Variants in KIF1B observed in about 807,000 individuals in gnomAD.
KIF1B encodes the protein kinesin-like protein KIF1B.
Under a neutral mutation model 241.9 loss-of-function variants are expected in KIF1B, and 76 were observed. That is an observed-to-expected ratio of 0.31 (90% CI 0.26 to 0.38). KIF1B has a LOEUF of 0.38. Among genes scored for constraint, KIF1B ranks in the 10% least tolerant of loss-of-function variants. The pLI is 1.00. For missense variants in KIF1B, 1,622 were observed against 2,271.4 expected (o/e 0.71, Z 5.81); for synonymous variants, 750 against 796.7 (o/e 0.94, Z 0.99).
chr1:10,224,178 G>A (rs1183410598), intron 1 of KIF1B, among the ~76,000 whole-genome samples: 2 of 151,932 alleles, frequency 1.3e-5, no homozygotes, highest in African/African-American at 2.4e-5. Context: ...GCAGTAGTGC[G>A]ATATCCCAGC....
At chr1:10,276,754 T>C (rs978349035) in intron 12 of KIF1B, among the ~76,000 whole-genome samples, 3 of 141,684 alleles carry the variant, frequency 2.1e-5, no homozygotes, top group East Asian at 2.2e-4. Context: ...TAAAAAGAAG[T>C]GTCCCCCTTC....
At position 10,374,780 on chromosome 1, in the gene KIF1B, C is replaced by A; in HGVS notation, c.5097-74C>A. ...ATCTAAGGACTTGGCCTAAGTGTGGCGTATTTTGATGGTCCTCAGCACGAT... is the reference window on the plus strand; with the variant it reads ...ATCTAAGGACTTGGCCTAAGTGTGGAGTATTTTGATGGTCCTCAGCACGAT... On this transcript the variant is annotated intron_variant, in intron 46 of 48. Transcript: ENST00000676179. The surrounding 1 kb of genome is among the most constrained non-coding windows in gnomAD (Gnocchi z 4.3). 1 of 1,388,888 alleles carries A rather than the reference C, an allele frequency of 7.2e-7. No individual in the cohort carries two copies. The highest frequency in any genetic ancestry group is 1.0e-6 in the Non-Finnish European group (1 of 977,998). The allele number at this position is 1,388,888 out of a possible 1,614,324, so 86.0% of individuals were successfully genotyped here.
In KIF1B at chr1:10,297,185, T is replaced by C; in HGVS notation, c.2054T>C (p.Met685Thr). 6.2e-7 allele frequency: 1 copy of C among 1,610,578 alleles called. No individual in the cohort carries two copies. Among genetic ancestry groups the C allele is most frequent in the Non-Finnish European group, 8.5e-7 (1 of 1,178,498 alleles). The change falls in exon 22 of 49, where the codon ATG (methionine) becomes ACG (threonine). Residue 685 changes from methionine to threonine, a missense_variant. By Grantham distance (81) the Met-to-Thr change is moderately conservative. Coordinates refer to ENST00000676179, the MANE Select transcript of KIF1B (RefSeq NM_001365951.3). ...KQEMEKRLQE[M>T]EILYKKEKEE... ...TTTTTTACTTCTAGGCTACAGGAAA[T>C]GGAGATCTTATACAAAAAGGAGAAG...
chr1:10,343,622 G>A (rs983375407), intron 34 of KIF1B, among the ~76,000 whole-genome samples: 5 of 152,156 alleles, frequency 3.3e-5, no homozygotes, highest in East Asian at 1.9e-4. Context: ...GCCGGGCATG[G>A]TGGCACACGC....
In KIF1B at chr1:10,368,469, C is replaced by T. The variant is rs751853543; in HGVS notation, c.4755C>T (p.Cys1585=). 11 of 1,613,220 alleles carry T rather than the reference C, an allele frequency of 6.8e-6. No homozygotes were observed. The highest frequency in any genetic ancestry group is 1.1e-5 in the South Asian group (1 of 91,070). The change falls in exon 44 of 49, where the codon TGC becomes TGT. Residue 1585 remains cysteine (C), a splice_region_variant and synonymous_variant. Transcript: ENST00000676179. ...VDREKELATK[C]LQLLTHTFNR... is the part of the protein sequence containing the mutation. ...GCACTTCTCTTTCTCTTCTTTAGTG[C>T]CTGCAACTTCTCACCCACACTTTCA...
At chr1:10,282,631 G>T (rs1370259321) in intron 15 of KIF1B, 98 bp downstream of exon 15, 1 of 1,005,444 alleles carries the variant, frequency 9.9e-7, no homozygotes, top group Non-Finnish European at 1.6e-6. Flanking sequence ...AGCATATGGA[G>T]AACTCTTTGA....
At chr1:10,271,945 G>A (rs557659133) in intron 8 of KIF1B, among the ~76,000 whole-genome samples, 1 of 152,320 alleles carries the variant, frequency 6.6e-6, no homozygotes, top group South Asian at 2.1e-4. Flanking sequence ...GGATATACAA[G>A]ATTCAGATGT....
intron 6 of KIF1B, 81 bp from the exon 7 acceptor site, chr1:10,268,065 GTTATGC>G (rs1648569143): frequency 2.4e-6 from 2 of 841,204 alleles, no homozygotes; most frequent in Middle Eastern, 2.2e-4. Flanking sequence ...GCTTGTGATT[GTTATGC>G]TTATAATGTG....
intron 45 of KIF1B, among the ~76,000 whole-genome samples, chr1:10,373,257 CT>C (rs35038013): frequency 0.49 from 62,893 of 127,966 alleles, 14,891 homozygotes; most frequent in African/African-American, 0.62. Flanking sequence ...CTGCGCCGGC[CT>C]TTTTTTTTTT....
Position 10,210,984 on chromosome 1 carries a change from G to A in KIF1B, c.-80+106G>A, listed in dbSNP as rs1557636928. On this transcript the variant is annotated intron_variant, in intron 1 of 48. Transcript: ENST00000676179. This position sits in a 1 kb window ranked among gnomAD's most constrained non-coding sequence, Gnocchi z 4.1. Reference sequence around the variant, plus strand: ...GGGCCGGGGTCCGGGCGGGGTCTGAGGGGAGGTAGCGCGGGACGGGCGCCG... The same window carrying A: ...GGGCCGGGGTCCGGGCGGGGTCTGAAGGGAGGTAGCGCGGGACGGGCGCCG... 6.6e-6 allele frequency: 1 copy of A among 151,940 alleles called. No homozygotes were observed. The highest frequency in any genetic ancestry group is 1.9e-4 in the East Asian group (1 of 5,170). 9.4% of individuals were successfully genotyped at this position (151,940 alleles called of 1,614,324 possible).
intron 1 of KIF1B, among the ~76,000 whole-genome samples, chr1:10,216,426 A>G (rs574898609): frequency 1.2e-4 from 19 of 152,078 alleles, no homozygotes; most frequent in African/African-American, 4.1e-4. Context: ...TTCCTTTTCT[A>G]TACTACGACC....
chr1:10,292,639 C>G (rs939791367), intron 17 of KIF1B, among the ~76,000 whole-genome samples: 5 of 152,176 alleles, frequency 3.3e-5, no homozygotes, highest in Non-Finnish European at 7.3e-5. Flanking sequence ...CCTCTGCTTC[C>G]TTCTTCATTT....
intron 18 of KIF1B, 93 bp downstream of exon 18, chr1:10,295,258 A>G: frequency 1.2e-6 from 1 of 818,836 alleles, no homozygotes; most frequent in Non-Finnish European, 2.1e-6. Flanking sequence ...AATTAACGTA[A>G]TGATTTGCTG....
intron 35 of KIF1B, among the ~76,000 whole-genome samples, chr1:10,346,657 G>A (rs1160825872): frequency 1.3e-5 from 2 of 152,212 alleles, no homozygotes; most frequent in African/African-American, 2.4e-5. Context: ...GAGCCACTGT[G>A]CCCAGCAGCA....
chr1:10,343,614 C>T (rs1048294548), intron 34 of KIF1B, among the ~76,000 whole-genome samples: 6 of 151,938 alleles, frequency 3.9e-5, no homozygotes, highest in Non-Finnish European at 8.8e-5. Context: ...GAAAATTAGC[C>T]GGGCATGGTG....
intron 39 of KIF1B, 109 bp downstream of exon 39, chr1:10,361,152 C>G: frequency 1.3e-6 from 1 of 764,634 alleles, no homozygotes. Flanking sequence ...CCTCTTTCTT[C>G]CTCCACATCC....
chr1:10,250,193 A>G (rs1422723457), intron 2 of KIF1B, among the ~76,000 whole-genome samples: 2 of 152,170 alleles, frequency 1.3e-5, no homozygotes, highest in Admixed American at 6.5e-5. Context: ...AAAACAGGGT[A>G]AAATACGTAT....
chr1:10,369,845 T>C (rs1414222809), intron 44 of KIF1B, among the ~76,000 whole-genome samples: 2 of 149,914 alleles, frequency 1.3e-5, no homozygotes, highest in Non-Finnish European at 3.0e-5. Context: ...GGCAGGAGAA[T>C]CGCTTGAACC....
chr1:10,231,613 C>G (rs1330004356), intron 1 of KIF1B, among the ~76,000 whole-genome samples: 1 of 151,960 alleles, frequency 6.6e-6, no homozygotes, highest in South Asian at 2.1e-4. Context: ...TCTCGAACTC[C>G]TGACCTCAAG....
Sources: allele counts gnomAD v4.1 joint callset (sites outside exome capture counted in the v4.1 genomes callset), GRCh38; gene constraint gnomAD v4.1.1; non-coding constraint Gnocchi (gnomAD v3.1); transcripts MANE v1.5; gene names NCBI Gene and HGNC (gene_info 2026-07-23, HGNC 2026-07-21).